Variants in CDH1 observed in about 807,000 individuals in gnomAD.
The protein encoded by CDH1 is cadherin 1.
A neutral mutation model predicts 84.5 loss-of-function variants in CDH1; 35 were observed. The ratio of observed to expected loss-of-function variants is 0.41; its 90% CI spans 0.32 to 0.55. The LOEUF is 0.55. CDH1 is among the 20% of genes least tolerant of loss of function. CDH1 has a pLI of 0.19. For synonymous variants in CDH1, 417 were observed against 439.0 expected, an observed-to-expected ratio of 0.95 and a Z score of 0.63; for missense variants, 994 against 1,126.6, an observed-to-expected ratio of 0.88 and a Z score of 1.68.
At chr16:68,807,579 CT>C (rs1960698909) in intron 3 of CDH1, among the ~76,000 whole-genome samples, 1 of 152,044 alleles carries the variant, frequency 6.6e-6, no homozygotes. Flanking sequence ...GTTCCAGCTA[CT>C]TGGTAGGCTG....
intron 2 of CDH1, among the ~76,000 whole-genome samples, chr16:68,755,861 T>A (rs983310577): frequency 6.6e-6 from 1 of 151,628 alleles, no homozygotes; most frequent in African/African-American, 2.4e-5. Flanking sequence ...CCTCCCGGGT[T>A]CAAGCGATTC....
In CDH1 at chr16:68,833,840, G is replaced by A. The variant is rs529393486; in HGVS notation, c.*341G>A. Reference sequence around the variant, plus strand: ...CTTGCAGATTTTCTTAAGGAATTTTGTCTCACTTTTAAAAAGAAGGGGAGA... The same window carrying A: ...CTTGCAGATTTTCTTAAGGAATTTTATCTCACTTTTAAAAAGAAGGGGAGA... On this transcript the variant is annotated 3_prime_UTR_variant, in exon 16 of 16. Coordinates refer to ENST00000261769, the MANE Select transcript of CDH1 (RefSeq NM_004360.5). The A allele has an allele frequency of 1.0e-5, 4 of 387,428 alleles. No homozygotes were observed. Among genetic ancestry groups the A allele is most frequent in the South Asian group, 3.1e-5 (1 of 32,162 alleles). 24.0% of individuals were successfully genotyped at this position (387,428 alleles called of 1,614,324 possible). A position where few individuals can be genotyped will look rare whatever the true frequency, so the allele number is the denominator to read the frequency against.
intron 14 of CDH1, 70 bp from the exon 15 acceptor site, chr16:68,829,584 G>T: frequency 1.4e-6 from 2 of 1,457,792 alleles, no homozygotes; most frequent in South Asian, 2.3e-5. Context: ...TCTATAAACT[G>T]AACATAGCCC....
chr16:68,780,900 G>A (rs1959858030), intron 2 of CDH1, among the ~76,000 whole-genome samples: 1 of 152,200 alleles, frequency 6.6e-6, no homozygotes, highest in Non-Finnish European at 1.5e-5. Flanking sequence ...GGAGGGCTCT[G>A]CATAGAGCAG....
At chr16:68,789,221 C>G (rs10163398) in intron 2 of CDH1, among the ~76,000 whole-genome samples, 41,035 of 151,838 alleles carry the variant, frequency 0.27, 5,704 homozygotes, top group Middle Eastern at 0.32. Context: ...TAGAGATGGG[C>G]TCTCCCCATG....
At chr16:68,813,629 C>A in intron 9 of CDH1, 134 bp downstream of exon 9, 1 of 881,446 alleles carries the variant, frequency 1.1e-6, no homozygotes, top group Non-Finnish European at 1.9e-6. Context: ...TGTAGTGGAC[C>A]ATGTGGGATT....
rs1567515435 is a variant in CDH1 at position 68,828,257 on chromosome 16, G to A, written c.2248G>A (p.Asp750Asn). 11 of 1,614,138 alleles carry A rather than the reference G, an allele frequency of 6.8e-6. No individual in the cohort carries two copies. Among genetic ancestry groups the A allele is most frequent in the African/African-American group, 1.3e-5 (1 of 75,036 alleles). Residue 750 changes from aspartate to asparagine, a missense_variant, in exon 14 of 16, where the codon GAC becomes AAC. By Grantham distance (23) the Asp-to-Asn change is conservative (BLOSUM62 1). This residue lies in a region of CDH1 where 769 missense variants were observed against 881.8 expected (regional missense o/e 0.87). Transcript: ENST00000261769. ...ACTGCCCCCAGAGGATGACACCCGG[G>A]ACAACGTTTATTACTATGATGAAGA... is the stretch of plus-strand genomic sequence containing the variant. The part of the protein sequence containing the change: ...PLLPPEDDTR[D>N]NVYYYDEEGG...
At chr16:68,758,441 G>A (rs1316931227) in intron 2 of CDH1, among the ~76,000 whole-genome samples, 1 of 151,448 alleles carries the variant, frequency 6.6e-6, no homozygotes, top group Non-Finnish European at 1.5e-5. Context: ...GTTTTTATTG[G>A]CTGGGCTCCG....
At chr16:68,742,296 T>C (rs2152115479) in intron 2 of CDH1, among the ~76,000 whole-genome samples, 1 of 151,624 alleles carries the variant, frequency 6.6e-6, no homozygotes, top group African/African-American at 2.4e-5. Flanking sequence ...TTTTTTTTTT[T>C]TGAGACGGAG....
At chr16:68,797,248 G>C (rs143789815) in intron 2 of CDH1, among the ~76,000 whole-genome samples, 1 of 152,120 alleles carries the variant, frequency 6.6e-6, no homozygotes, top group African/African-American at 2.4e-5. Context: ...AATTTGCTGC[G>C]GTGGAGTACA....
chr16:68,811,658 A>G (rs1457226379), intron 6 of CDH1, 26 bp from the exon 7 acceptor site: 2 of 1,611,904 alleles, frequency 1.2e-6, no homozygotes, highest in East Asian at 4.5e-5. Flanking sequence ...GCTTGTCTAA[A>G]CCTTCATCTC....
At chr16:68,777,738 A>G (rs1471927734) in intron 2 of CDH1, among the ~76,000 whole-genome samples, 1 of 151,426 alleles carries the variant, frequency 6.6e-6, no homozygotes, top group African/African-American at 2.4e-5. Context: ...TTTTATTTTT[A>G]TCATTATTTT....
intron 3 of CDH1, among the ~76,000 whole-genome samples, chr16:68,802,954 T>A (rs1157290053): frequency 1.3e-5 from 2 of 152,106 alleles, no homozygotes; most frequent in Non-Finnish European, 1.5e-5. Flanking sequence ...GACAAACAGA[T>A]GAATTGGCCA....
intron 10 of CDH1, among the ~76,000 whole-genome samples, chr16:68,818,867 A>AG (rs1479302039): frequency 3.8e-4 from 56 of 147,304 alleles, no homozygotes; most frequent in African/African-American, 1.2e-3. Context: ...AAAAAAAAAA[A>AG]AAAGAAAGAA....
At chr16:68,770,750 G>C (rs1194034659) in intron 2 of CDH1, among the ~76,000 whole-genome samples, 2 of 151,554 alleles carry the variant, frequency 1.3e-5, no homozygotes, top group African/African-American at 2.4e-5. Context: ...CAAGGGCTGA[G>C]AGCCTGAGAC....
chr16:68,752,580 A>G (rs1962912385), intron 2 of CDH1, among the ~76,000 whole-genome samples: 2 of 151,934 alleles, frequency 1.3e-5, no homozygotes, highest in Admixed American at 1.3e-4. Context: ...AGGATATTTC[A>G]CTGTAGTTGT....
At chr16:68,816,767 A>G (rs1960997124) in intron 10 of CDH1, among the ~76,000 whole-genome samples, 1 of 149,982 alleles carries the variant, frequency 6.7e-6, no homozygotes, top group Admixed American at 6.6e-5. Flanking sequence ...AAAACAAAAA[A>G]ACTCTCATTT....
chr16:68,813,604 G>A (rs749290889), intron 9 of CDH1, 109 bp downstream of exon 9: 2 of 1,095,840 alleles, frequency 1.8e-6, no homozygotes, highest in South Asian at 2.5e-5. Flanking sequence ...GGGGGACAGG[G>A]TGACTTTCCC....
chr16:68,792,152 C>T (rs1286482254), intron 2 of CDH1, among the ~76,000 whole-genome samples: 3 of 151,600 alleles, frequency 2.0e-5, no homozygotes, highest in African/African-American at 7.3e-5. Context: ...AACTCCTGAC[C>T]TCAGGTGATC....
Sources: gnomAD v4.1 joint callset for allele counts (sites outside exome capture counted in the v4.1 genomes callset) on GRCh38, gnomAD v4.1.1 for gene constraint, gnomAD v4.1.1 regional missense constraint, MANE v1.5 for transcripts, NCBI Gene and HGNC (gene_info 2026-07-23, HGNC 2026-07-21) for gene names.